Variants in MYH11 observed in about 807,000 individuals in gnomAD.
MYH11 encodes the protein myosin heavy chain 11, also known as myosin-11.
Under a neutral mutation model 246.6 loss-of-function variants are expected in MYH11, and 80 were observed. That is an observed-to-expected ratio of 0.32 (90% confidence interval 0.27 to 0.39). The LOEUF (loss-of-function observed/expected upper bound fraction) is 0.39. Among genes scored for constraint, MYH11 ranks in the 10% least tolerant of loss-of-function variants. MYH11 has a pLI of 1.00. For missense variants in MYH11, 2,158 were observed against 2,546.8 expected, an observed-to-expected ratio of 0.85 and a Z score of 3.29; for synonymous variants, 1,071 against 1,015.5, an observed-to-expected ratio of 1.05 and a Z score of -1.04.
intron 15 of MYH11, among the ~76,000 whole-genome samples, chr16:15,752,878 C>G (rs1200609325): frequency 6.6e-6 from 1 of 152,112 alleles, no homozygotes; most frequent in Non-Finnish European, 1.5e-5. Context: ...GACTCTGTCC[C>G]TAAATAAATA....
chr16:15,753,370 GGACCC>G lies in MYH11; in HGVS notation c.1864+19_1864+23del. The G allele has an allele frequency of 6.3e-7, 1 of 1,597,766 alleles. No homozygotes were observed. Among genetic ancestry groups the G allele is most frequent in the African/African-American group, 1.3e-5 (1 of 74,692 alleles). On this transcript the variant is annotated intron_variant, in intron 15 of 40. Coordinates refer to ENST00000300036, the MANE Select transcript of MYH11 (RefSeq NM_002474.3). ...AATTCTCCAGCTCAAAGCAGAACAT[GGACCC>G]GAGCAGAGAAGGCCTTACCGTCCTT...
chr16:15,814,800 G>A (rs903198983), intron 3 of MYH11, among the ~76,000 whole-genome samples: 1 of 152,062 alleles, frequency 6.6e-6, no homozygotes, highest in Non-Finnish European at 1.5e-5. Flanking sequence ...CTGAAGCCAA[G>A]TGACTGCCCT....
chr16:15,734,044 T>C lies in MYH11; in HGVS notation c.3506+1322A>G, dbSNP rs144978865. 2.6e-3 allele frequency among the ~76,000 whole-genome samples: 399 copies of C among 152,358 alleles called. 4 individuals are homozygous for C. The highest frequency in any genetic ancestry group is 8.8e-3 in the African/African-American group (366 of 41,594). On this transcript the variant is annotated intron_variant, in intron 26 of 40. Transcript: ENST00000300036. ...TTGCATCAAAATACATTTATGTGTT[T>C]ACTGAATGAATCAATGACCTAGTTT...
intron 3 of MYH11, among the ~76,000 whole-genome samples, chr16:15,805,091 T>C (rs1421480652): frequency 6.6e-6 from 1 of 152,214 alleles, no homozygotes; most frequent in African/African-American, 2.4e-5. Flanking sequence ...TGCACTTTTC[T>C]AGAGCTGAGT....
intron 26 of MYH11, 148 bp from the exon 27 acceptor site, chr16:15,732,856 C>T (rs905954979): frequency 3.1e-6 from 3 of 980,726 alleles, no homozygotes; most frequent in Non-Finnish European, 4.6e-6. Context: ...GGTCATTCAC[C>T]TAACATCTCT....
At chr16:15,729,395 T>C (rs999606061) in intron 27 of MYH11, among the ~76,000 whole-genome samples, 2 of 152,100 alleles carry the variant, frequency 1.3e-5, no homozygotes, top group African/African-American at 4.8e-5. Flanking sequence ...GGGTCAGTAA[T>C]GGACATGCCG....
chr16:15,788,156 A>G (rs116282239), intron 4 of MYH11, among the ~76,000 whole-genome samples: 10 of 141,922 alleles, frequency 7.0e-5, no homozygotes, highest in African/African-American at 2.6e-4. Context: ...TCACAATGGA[A>G]CCGCTCCATC....
At chr16:15,841,842 A>G (rs2044060296) in intron 1 of MYH11, among the ~76,000 whole-genome samples, 1 of 152,160 alleles carries the variant, frequency 6.6e-6, no homozygotes, top group South Asian at 2.1e-4. Flanking sequence ...TGCGTGGTTG[A>G]CATCCCTCCT....
At chr16:15,848,646 G>A (rs1017997119) in intron 1 of MYH11, among the ~76,000 whole-genome samples, 2 of 152,152 alleles carry the variant, frequency 1.3e-5, no homozygotes, top group Non-Finnish European at 2.9e-5. Context: ...CCTGATGCCA[G>A]TAGCACCCCT....
At chr16:15,855,112 T>C (rs1047801075) in intron 1 of MYH11, among the ~76,000 whole-genome samples, 1 of 152,238 alleles carries the variant, frequency 6.6e-6, no homozygotes, top group African/African-American at 2.4e-5. Flanking sequence ...AACAAATCCA[T>C]AACAGATACC....
At chr16:15,849,679 T>C (rs2044282204) in intron 1 of MYH11, among the ~76,000 whole-genome samples, 1 of 152,168 alleles carries the variant, frequency 6.6e-6, no homozygotes, top group South Asian at 2.1e-4. Flanking sequence ...CTCAAACTCC[T>C]GAGCTCAAGC....
chr16:15,762,726 GTAA>G (rs2041897510), intron 10 of MYH11, among the ~76,000 whole-genome samples: 1 of 152,154 alleles, frequency 6.6e-6, no homozygotes, highest in Non-Finnish European at 1.5e-5. Flanking sequence ...ATTGATTTGA[GTAA>G]TAATAAAACT....
At chr16:15,810,325 G>A (rs1187771152) in intron 3 of MYH11, among the ~76,000 whole-genome samples, 1 of 152,016 alleles carries the variant, frequency 6.6e-6, no homozygotes, top group East Asian at 1.9e-4. Flanking sequence ...GTGAACCACT[G>A]TGCCTGGCCA....
intron 1 of MYH11, among the ~76,000 whole-genome samples, chr16:15,840,293 G>T (rs2044020466): frequency 6.6e-6 from 1 of 152,118 alleles, no homozygotes; most frequent in African/African-American, 2.4e-5. Flanking sequence ...CTAGAAGAAG[G>T]ACATTGAATG....
intron 1 of MYH11, among the ~76,000 whole-genome samples, chr16:15,839,353 GA>G (rs2043990146): frequency 6.6e-6 from 1 of 152,094 alleles, no homozygotes; most frequent in Non-Finnish European, 1.5e-5. Context: ...CCTTCAATAC[GA>G]AAAACTATTA....
chr16:15,792,609 T>C (rs2042636359), intron 4 of MYH11: 1 of 152,202 alleles, frequency 6.6e-6, no homozygotes, highest in Non-Finnish European at 1.5e-5. Context: ...GCGGCTGTGT[T>C]TCAATAAAAC....
chr16:15,830,109 T>C (rs916820312), intron 2 of MYH11, among the ~76,000 whole-genome samples: 3 of 149,132 alleles, frequency 2.0e-5, no homozygotes, highest in Non-Finnish European at 3.0e-5. Context: ...CACTCCAGCC[T>C]GGGTGATACA....
chr16:15,803,153 G>C (rs1877146108), intron 3 of MYH11, among the ~76,000 whole-genome samples: 1 of 151,680 alleles, frequency 6.6e-6, no homozygotes, highest in African/African-American at 2.4e-5. Flanking sequence ...AAAAAAAGCA[G>C]GAAAAAAGCA....
intron 3 of MYH11, among the ~76,000 whole-genome samples, chr16:15,807,995 C>G (rs2043053581): frequency 6.6e-6 from 1 of 151,686 alleles, no homozygotes; most frequent in African/African-American, 2.4e-5. Flanking sequence ...GACCCAGGCT[C>G]CCTGCGTCTG....
Sources: gnomAD v4.1 joint callset for allele counts (sites outside exome capture counted in the v4.1 genomes callset) on GRCh38, gnomAD v4.1.1 for gene constraint, MANE v1.5 for transcripts, NCBI Gene and HGNC (gene_info 2026-07-23, HGNC 2026-07-21) for gene names.